ANGPT2: variants seen among roughly 807,000 people sequenced by gnomAD.
ANGPT2 encodes the protein angiopoietin 2.
ANGPT2 carries 28 observed loss-of-function variants against 62.9 expected under a neutral mutation model. The observed-to-expected ratio is 0.44, with a 90% CI of 0.33 to 0.61. The LOEUF (loss-of-function observed/expected upper bound fraction) is 0.61. ANGPT2 is among the 20% of genes least tolerant of loss of function. The probability of loss-of-function intolerance (pLI) is 0.03; values close to 1 mark genes in which losing one functional copy is unlikely to be tolerated. For missense variants in ANGPT2, 727 were observed against 594.9 expected (o/e 1.22, Z -2.31); for synonymous variants, 284 against 207.8 (o/e 1.37, Z -3.15).
At chr8:6,532,272 G>A (rs192866296) in intron 2 of ANGPT2, 60 bp downstream of exon 2, 34 of 1,594,786 alleles carry the variant, frequency 2.1e-5, no homozygotes, top group Middle Eastern at 1.7e-4. Flanking sequence ...AGCTCCTGAC[G>A]CGACTGAGTG....
intron 1 of ANGPT2, among the ~76,000 whole-genome samples, chr8:6,534,269 A>G (rs1340817535): frequency 5.9e-5 from 9 of 152,204 alleles, no homozygotes; most frequent in Non-Finnish European, 1.2e-4. Context: ...TATAGCAACT[A>G]TTTACATGGC....
intron 3 of ANGPT2, 54 bp downstream of exon 3, chr8:6,527,501 C>T: frequency 6.3e-7 from 1 of 1,584,042 alleles, no homozygotes; most frequent in Non-Finnish European, 8.6e-7. Flanking sequence ...GACCGACTTT[C>T]ATATCTGGAA....
At chr8:6,533,099 T>C (rs1042971439) in intron 1 of ANGPT2, among the ~76,000 whole-genome samples, 4 of 152,250 alleles carry the variant, frequency 2.6e-5, no homozygotes, top group Non-Finnish European at 4.4e-5. Context: ...TTTCCTAACA[T>C]GTATGCATTT....
chr8:6,521,368 G>A lies in ANGPT2; in HGVS notation c.609C>T (p.Ile203=), dbSNP rs1434261997. ...KKVLAMEDKH[I]IQLQSIKEEK... ...CTTCTTTTATTGACTGTAGTTGGAT[G>A]ATGTGCTTGTCTTCCATAGCTAGCA... is the stretch of plus-strand genomic sequence containing the variant. The change falls in exon 4 of 9, where the codon ATC becomes ATT. Residue 203 remains isoleucine, a synonymous_variant. Coordinates refer to ENST00000629816, the MANE Select transcript of ANGPT2 (RefSeq NM_001118887.2). 1 of 1,613,536 alleles carries A rather than the reference G, an allele frequency of 6.2e-7. No individual in the cohort carries two copies. Among genetic ancestry groups the A allele is most frequent in the East Asian group, 2.2e-5 (1 of 44,818 alleles).
chr8:6,533,483 G>A (rs1392088038), intron 1 of ANGPT2, among the ~76,000 whole-genome samples: 4 of 151,688 alleles, frequency 2.6e-5, no homozygotes, highest in Non-Finnish European at 5.9e-5. Context: ...GTTTCTGGTT[G>A]GTCAGAGGAG....
At chr8:6,513,924 A>G in intron 6 of ANGPT2, 80 bp from the exon 7 acceptor site, 2 of 1,284,174 alleles carry the variant, frequency 1.6e-6, no homozygotes, top group East Asian at 2.4e-5. Flanking sequence ...CGTCAACTTA[A>G]CATAGAATAA....
chr8:6,520,804 T>A (rs1817181900), intron 4 of ANGPT2, among the ~76,000 whole-genome samples: 1 of 152,210 alleles, frequency 6.6e-6, no homozygotes. Flanking sequence ...TAAGTGCCAT[T>A]GTATTATCTC....
At chr8:6,515,008 T>C (rs1489394201) in intron 5 of ANGPT2, among the ~76,000 whole-genome samples, 1 of 152,132 alleles carries the variant, frequency 6.6e-6, no homozygotes, top group Non-Finnish European at 1.5e-5. Context: ...TAATATAAAG[T>C]GTTGATGAGA....
At chr8:6,542,351 C>G (rs933485740) in intron 1 of ANGPT2, among the ~76,000 whole-genome samples, 5 of 151,698 alleles carry the variant, frequency 3.3e-5, no homozygotes, top group African/African-American at 1.2e-4. Flanking sequence ...TGTTTCAGTT[C>G]TCTAAGAAAC....
chr8:6,549,519 A>G lies in ANGPT2; in HGVS notation c.288+13128T>C, dbSNP rs182580994. On this transcript the variant is annotated intron_variant, in intron 1 of 8. Coordinates refer to ENST00000629816, the MANE Select transcript of ANGPT2 (RefSeq NM_001118887.2). ...AAGCCTTCTGTATCTTGAGCTGGGC[A>G]GTCATTACACAGGTGCGCACATATA... Among the ~76,000 whole-genome samples, 40 of 150,262 alleles carry G rather than the reference A, an allele frequency of 2.7e-4. No individual in the cohort carries two copies. In the East Asian group the frequency reaches 7.8e-3, roughly 29 times the overall value.
chr8:6,520,171 C>T (rs992249280), intron 4 of ANGPT2, among the ~76,000 whole-genome samples, 180 bp from the exon 5 acceptor site: 1 of 152,056 alleles, frequency 6.6e-6, no homozygotes, highest in African/African-American at 2.4e-5. Flanking sequence ...CTTCTTAATT[C>T]TCAAAAGATT....
chr8:6,559,133 G>C (rs1225321499), intron 1 of ANGPT2, among the ~76,000 whole-genome samples: 1 of 152,024 alleles, frequency 6.6e-6, no homozygotes, highest in African/African-American at 2.4e-5. Flanking sequence ...CTGTGAATGG[G>C]ATGGGATTTT....
At chr8:6,549,997 C>CAA (rs1823332809) in intron 1 of ANGPT2, among the ~76,000 whole-genome samples, 1 of 152,198 alleles carries the variant, frequency 6.6e-6, no homozygotes, top group Non-Finnish European at 1.5e-5. Flanking sequence ...TTGGCTTTGC[C>CAA]CAGGTGATCA....
intron 1 of ANGPT2, among the ~76,000 whole-genome samples, chr8:6,541,976 C>G (rs1821662967): frequency 2.0e-5 from 3 of 149,824 alleles, no homozygotes; most frequent in Admixed American, 6.7e-5. Context: ...CCACTGCACT[C>G]CAGCCTGGGT....
At chr8:6,530,477 C>T (rs1442635594) in intron 2 of ANGPT2, among the ~76,000 whole-genome samples, 1 of 146,582 alleles carries the variant, frequency 6.8e-6, no homozygotes, top group Non-Finnish European at 1.5e-5. Flanking sequence ...CCACTGCACT[C>T]CAACCTGGGC....
intron 1 of ANGPT2, among the ~76,000 whole-genome samples, chr8:6,558,383 C>T (rs1484556436): frequency 6.6e-6 from 1 of 152,124 alleles, no homozygotes; most frequent in East Asian, 1.9e-4. Context: ...TTTTAAATTA[C>T]TCCCATGGCG....
intron 4 of ANGPT2, among the ~76,000 whole-genome samples, 192 bp from the exon 5 acceptor site, chr8:6,520,183 ATACT>A (rs929443659): frequency 2.0e-4 from 31 of 152,258 alleles, no homozygotes; most frequent in African/African-American, 7.5e-4. Context: ...CAAAAGATTA[ATACT>A]TACTTTTTGG....
At chr8:6,511,829 G>A (rs2916755) in intron 7 of ANGPT2, among the ~76,000 whole-genome samples, 53,289 of 151,424 alleles carry the variant, frequency 0.35, 9,643 homozygotes, top group Middle Eastern at 0.48. Flanking sequence ...TAATGTCAGC[G>A]TACAAGGGTA....
At position 6,519,933 on chromosome 8, in the gene ANGPT2, T is replaced by A. The variant is rs1816995552; in HGVS notation, c.858A>T (p.Val286=). Residue 286 remains valine, a synonymous_variant, in exon 5 of 9, where the codon GTA becomes GTT. Transcript: ENST00000629816. ...EQISFRDCAE[V]FKSGHTTNGI... Reference sequence around the variant, plus strand: ...CATTCGTGGTGTGTCCTGATTTGAATACTTCAGCACAGTCTCTGAAGCTGA... The same window carrying A: ...CATTCGTGGTGTGTCCTGATTTGAAAACTTCAGCACAGTCTCTGAAGCTGA... 3.1e-6 allele frequency: 5 copies of A among 1,614,124 alleles called. No homozygotes were observed. Among genetic ancestry groups the A allele is most frequent in the Non-Finnish European group, 4.2e-6 (5 of 1,179,952 alleles).
Sources: allele counts gnomAD v4.1 joint callset (sites outside exome capture counted in the v4.1 genomes callset), GRCh38; gene constraint gnomAD v4.1.1; transcripts MANE v1.5; gene names NCBI Gene and HGNC (gene_info 2026-07-23, HGNC 2026-07-21).